The following ZNF141 variants were observed in gnomAD, a reference collection of about 807,000 sequenced individuals.
ZNF141 encodes zinc finger protein 141.
Under a neutral mutation model 11.3 loss-of-function variants are expected in ZNF141, and 7 were observed. The observed-to-expected ratio is 0.62, with a 90% CI of 0.35 to 1.16. The LOEUF (loss-of-function observed/expected upper bound fraction) is 1.16, where lower values mean the gene tolerates loss of function less well. ZNF141 is among the 50% of genes most tolerant of loss of function. The probability of loss-of-function intolerance (pLI) is 0.02; values close to 1 mark genes in which losing one functional copy is unlikely to be tolerated. For synonymous variants in ZNF141, 183 were observed against 190.7 expected, an observed-to-expected ratio of 0.96 and a Z score of 0.33; for missense variants, 535 against 554.0, an observed-to-expected ratio of 0.97 and a Z score of 0.34.
rs560005001 is a variant in ZNF141, at chr4:383,350, T to A, written c.*9488T>A. ...GGATTGTTATGCAGTTATAAGTTAG[T>A]AATATATACACCCATTAAAGACAGG... is the stretch of plus-strand genomic sequence containing the variant. On this transcript the variant is annotated 3_prime_UTR_variant, in exon 4 of 4. Transcript: ENST00000240499. The A allele has an allele frequency of 1.8e-6, 1 of 561,716 alleles. No individual in the cohort carries two copies. Among genetic ancestry groups the A allele is most frequent in the African/African-American group, 1.9e-5 (1 of 53,166 alleles). The allele number at this position is 561,716 out of a possible 1,614,324, so 34.8% of individuals were successfully genotyped here.
intron 3 of ZNF141, among the ~76,000 whole-genome samples, chr4:352,937 C>T (rs115410125): frequency 0.013 from 2,029 of 152,186 alleles, 31 homozygotes; most frequent in South Asian, 0.087. Context: ...GCATGTGCAG[C>T]GGAAGCAGTG....
At position 373,386 on chromosome 4, in the gene ZNF141, G is replaced by A. The variant is rs782426282; in HGVS notation, c.949G>A (p.Gly317Ser). 5.0e-6 allele frequency: 8 copies of A among 1,613,836 alleles called. No homozygotes were observed. In the South Asian group the frequency reaches 8.8e-5, roughly 18 times the overall value. ...GEKPYKCEEC[G>S]KAFNRSTTLT... is the part of the protein sequence containing the mutation. ...GAAACCCTACAAATGTGAAGAATGTGGCAAAGCCTTTAATAGGTCCACAAC... is the reference window on the plus strand; with the variant it reads ...GAAACCCTACAAATGTGAAGAATGTAGCAAAGCCTTTAATAGGTCCACAAC... The change falls in exon 4 of 4, where the codon GGC (glycine) becomes AGC (serine). Residue 317 changes from glycine (G) to serine (S), a missense_variant. Gly to Ser is a moderately conservative substitution (Grantham distance 56). Coordinates refer to ENST00000240499, the MANE Select transcript of ZNF141 (RefSeq NM_003441.4).
At chr4:361,530 G>C (rs1271643105) in intron 3 of ZNF141, among the ~76,000 whole-genome samples, 1 of 151,054 alleles carries the variant, frequency 6.6e-6, no homozygotes, top group African/African-American at 2.4e-5. Context: ...CCCTCTCCCC[G>C]CCCAACCCCA....
Position 376,081 on chromosome 4 carries a change from A to AT in ZNF141, c.*2225dup, listed in dbSNP as rs1712351918. On this transcript the variant is annotated 3_prime_UTR_variant, in exon 4 of 4. Transcript: ENST00000240499. ...TATTTTAAGATTATGTGGGAACATA[A>AT]TTTTTTAACTAAACAAAATTTTTAA... Among the ~76,000 whole-genome samples the AT allele has an allele frequency of 6.6e-6, 1 of 152,058 alleles. No homozygotes were observed.
chr4:375,852 C>T lies in ZNF141; in HGVS notation c.*1990C>T, dbSNP rs561252869. On this transcript the variant is annotated 3_prime_UTR_variant, in exon 4 of 4. Coordinates refer to ENST00000240499, the MANE Select transcript of ZNF141 (RefSeq NM_003441.4). ...GGTGGGCATTATTTGTGAATTTTTA[C>T]AAGAAAGAGTGAGGACAGAAATGAA... is the stretch of plus-strand genomic sequence containing the variant. Among the ~76,000 whole-genome samples the T allele has an allele frequency of 3.3e-5, 5 of 151,972 alleles. No individual in the cohort carries two copies. Among genetic ancestry groups the T allele is most frequent in the African/African-American group, 1.2e-4 (5 of 41,480 alleles).
chr4:353,791 G>A (rs1462810489), intron 3 of ZNF141, among the ~76,000 whole-genome samples: 2 of 152,098 alleles, frequency 1.3e-5, no homozygotes, highest in Non-Finnish European at 2.9e-5. Flanking sequence ...CACACAAGTT[G>A]TCACAGTTAG....
At chr4:358,276 C>G (rs1721943254) in intron 3 of ZNF141, 2 of 379,760 alleles carry the variant, frequency 5.3e-6, no homozygotes, top group African/African-American at 4.5e-5. Flanking sequence ...CAACCTCTAC[C>G]TCCCGAGTTC....
chr4:347,809 T>C (rs1721408726), intron 3 of ZNF141, among the ~76,000 whole-genome samples: 1 of 152,166 alleles, frequency 6.6e-6, no homozygotes, highest in Admixed American at 6.5e-5. Flanking sequence ...TTTGCTTTTT[T>C]GCTTTGAATT....
At chr4:364,367 G>C (rs1176317250) in intron 3 of ZNF141, among the ~76,000 whole-genome samples, 1 of 152,140 alleles carries the variant, frequency 6.6e-6, no homozygotes, top group Admixed American at 6.6e-5. Flanking sequence ...CTCAATTTCA[G>C]AGCCTGTTAT....
At chr4:358,831 C>T (rs1252891128) in intron 3 of ZNF141, among the ~76,000 whole-genome samples, 1 of 152,128 alleles carries the variant, frequency 6.6e-6, no homozygotes, top group Non-Finnish European at 1.5e-5. Context: ...GCCTCGGCCT[C>T]CCAAAGTGCT....
chr4:358,183 CTTTTTTTT>C (rs575102486), intron 3 of ZNF141: 17 of 301,896 alleles, frequency 5.6e-5, no homozygotes, highest in Admixed American at 4.6e-5. Flanking sequence ...GTTTCTCGTT[CTTTTTTTT>C]TTTTTTTTTT....
chr4:364,964 G>A (rs542088912), intron 3 of ZNF141, among the ~76,000 whole-genome samples: 1 of 152,374 alleles, frequency 6.6e-6, no homozygotes, highest in South Asian at 2.1e-4. Flanking sequence ...AACTGGCCTT[G>A]TTGAGATGCA....
intron 3 of ZNF141, among the ~76,000 whole-genome samples, chr4:351,868 T>G (rs1330232587): frequency 6.6e-6 from 1 of 151,700 alleles, no homozygotes; most frequent in Non-Finnish European, 1.5e-5. Flanking sequence ...GCAGTGAGGG[T>G]TTGGATGAGA....
rs1712524282 is a variant in ZNF141, at chr4:379,564, G to A, written c.*5702G>A. 6.6e-6 allele frequency among the ~76,000 whole-genome samples: 1 copy of A among 151,988 alleles called. No homozygotes were observed. The highest frequency in any genetic ancestry group is 2.4e-5 in the African/African-American group (1 of 41,368). ...TAATTTTTATATTGTTAGTAGAGAT[G>A]CGGTTTGACTATGTTGGCCAGGCTG... On this transcript the variant is annotated 3_prime_UTR_variant, in exon 4 of 4. Transcript: ENST00000240499.
chr4:346,288 A>G (rs1390110115), intron 3 of ZNF141, among the ~76,000 whole-genome samples: 2 of 152,200 alleles, frequency 1.3e-5, no homozygotes, highest in East Asian at 3.8e-4. Context: ...TTAAGTGAGG[A>G]CTTACTGTAC....
intron 1 of ZNF141, among the ~76,000 whole-genome samples, chr4:340,935 A>G (rs1280121397): frequency 6.6e-6 from 1 of 152,182 alleles, no homozygotes; most frequent in Non-Finnish European, 1.5e-5. Context: ...TATACTTGTA[A>G]CTGCTTCTAA....
At chr4:370,775 G>A (rs1026981032) in intron 3 of ZNF141, among the ~76,000 whole-genome samples, 2 of 151,948 alleles carry the variant, frequency 1.3e-5, no homozygotes, top group African/African-American at 2.4e-5. Context: ...CTGTTGCCCA[G>A]GCTGGAATGC....
chr4:377,134 AGTTATTGTTCCTTTCAGTTTTTG>A lies in ZNF141; in HGVS notation c.*3273_*3295del, dbSNP rs1712408704. 6.6e-6 allele frequency among the ~76,000 whole-genome samples: 1 copy of A among 152,072 alleles called. No homozygotes were observed. Among genetic ancestry groups the A allele is most frequent in the African/African-American group, 2.4e-5 (1 of 41,424 alleles). On this transcript the variant is annotated 3_prime_UTR_variant, in exon 4 of 4. Transcript: ENST00000240499. The stretch of plus-strand genomic sequence containing the variant: ...GAACCCTATATAAGCTGTTTTCTTT[AGTTATTGTTCCTTTCAGTTTTTG>A]TAATTGACATAAATGAGTTTATTTT...
At chr4:366,107 T>C (rs1711729589) in intron 3 of ZNF141, among the ~76,000 whole-genome samples, 1 of 152,184 alleles carries the variant, frequency 6.6e-6, no homozygotes, top group Non-Finnish European at 1.5e-5. Context: ...TTACCTTTGC[T>C]ATTTGGGGGT....
Sources: allele counts gnomAD v4.1 joint callset (sites outside exome capture counted in the v4.1 genomes callset), GRCh38; gene constraint gnomAD v4.1.1; transcripts MANE v1.5; gene names NCBI Gene and HGNC (gene_info 2026-07-23, HGNC 2026-07-21).